The following TENM2 variants were observed in gnomAD, a reference collection of about 807,000 sequenced individuals.
TENM2 encodes teneurin-2.
A neutral mutation model predicts 245.2 loss-of-function variants in TENM2; 52 were observed. The observed-to-expected ratio is 0.21, with a 90% CI of 0.17 to 0.27. TENM2 has a LOEUF of 0.27. TENM2 is among the 10% of genes least tolerant of loss of function. The pLI is 1.00. For missense variants in TENM2, 3,046 were observed against 3,666.8 expected, an observed-to-expected ratio of 0.83 and a Z score of 4.37; for synonymous variants, 1,363 against 1,438.9, an observed-to-expected ratio of 0.95 and a Z score of 1.19.
At chr5:167,677,847 C>T (rs1039023800) in intron 2 of TENM2, among the ~76,000 whole-genome samples, 1 of 151,404 alleles carries the variant, frequency 6.6e-6, no homozygotes, top group African/African-American at 2.4e-5. Context: ...TTATTAATTT[C>T]TCTTCCCCAA....
chr5:166,990,919 T>C, the TENM2 span, among the ~76,000 whole-genome samples: 1 of 152,140 alleles, frequency 6.6e-6, no homozygotes, highest in African/African-American at 2.4e-5. Context: ...AGTCTGAAAA[T>C]TGGATTGGGC....
intron 2 of TENM2, among the ~76,000 whole-genome samples, chr5:167,559,302 A>G (rs1336061701): frequency 6.6e-6 from 1 of 152,186 alleles, no homozygotes; most frequent in African/African-American, 2.4e-5. Context: ...AATTAGCTGA[A>G]TATGCCCAGA....
rs918036116 is a variant in TENM2, at chr5:167,995,720, A to G, written c.1186+2538A>G. 1.2e-4 allele frequency among the ~76,000 whole-genome samples: 19 copies of G among 152,242 alleles called. 1 individual carries two copies. The highest frequency in any genetic ancestry group is 4.6e-4 in the African/African-American group (19 of 41,458). On this transcript the variant is annotated intron_variant, in intron 5 of 28. Transcript: ENST00000518659. The stretch of plus-strand genomic sequence containing the variant: ...GATGGTTATTTACGTGCAGAAACTC[A>G]GAAGTATGGTGAGGATTAATTAATG...
chr5:167,512,972 G>T (rs1275850011), intron 2 of TENM2, among the ~76,000 whole-genome samples: 1 of 152,182 alleles, frequency 6.6e-6, no homozygotes, highest in African/African-American at 2.4e-5. Context: ...ATAAAGGAGT[G>T]ATAGGGGATT....
intron 2 of TENM2, among the ~76,000 whole-genome samples, chr5:167,710,137 A>G (rs986771931): frequency 2.0e-5 from 3 of 152,140 alleles, no homozygotes; most frequent in African/African-American, 7.2e-5. Flanking sequence ...ACCAGTAACA[A>G]TCACTCTTTG....
chr5:167,633,410 T>C (rs1256676393), intron 2 of TENM2, among the ~76,000 whole-genome samples: 2 of 152,202 alleles, frequency 1.3e-5, no homozygotes, highest in Non-Finnish European at 2.9e-5. Flanking sequence ...AATTAAGACT[T>C]GAATTAGCCC....
the TENM2 span, among the ~76,000 whole-genome samples, chr5:167,032,022 TA>T: frequency 6.6e-6 from 1 of 152,186 alleles, no homozygotes; most frequent in Non-Finnish European, 1.5e-5. Context: ...ACTGCTGGAT[TA>T]AAACACCTAG....
the TENM2 span, among the ~76,000 whole-genome samples, chr5:167,141,913 CAAT>C: frequency 6.6e-6 from 1 of 152,034 alleles, no homozygotes; most frequent in South Asian, 2.1e-4. Flanking sequence ...TTAATTGTGT[CAAT>C]AATTATTTGT....
intron 2 of TENM2, among the ~76,000 whole-genome samples, chr5:167,462,053 AATTG>A (rs755347375): frequency 3.3e-5 from 5 of 152,162 alleles, no homozygotes; most frequent in South Asian, 2.1e-4. Context: ...TTTAAGAGCC[AATTG>A]ATTGATCAGT....
chr5:167,430,142 C>T (rs1371276677), intron 2 of TENM2, among the ~76,000 whole-genome samples: 1 of 151,954 alleles, frequency 6.6e-6, no homozygotes, highest in Admixed American at 6.6e-5. Flanking sequence ...GGCAGAGAAA[C>T]CAACGGAGAG....
At chr5:167,918,919 AT>A (rs202136642) in intron 3 of TENM2, among the ~76,000 whole-genome samples, 52 of 152,256 alleles carry the variant, frequency 3.4e-4, no homozygotes, top group East Asian at 3.3e-3. Flanking sequence ...AATTTCTGCA[AT>A]AGCGAGTTAA....
chr5:167,131,090 A>T, the TENM2 span, among the ~76,000 whole-genome samples: 2 of 152,024 alleles, frequency 1.3e-5, no homozygotes, highest in African/African-American at 2.4e-5. Flanking sequence ...TGAATGTTTT[A>T]TGTAAAAATG....
the TENM2 span, among the ~76,000 whole-genome samples, chr5:166,997,962 ACTCC>A: frequency 1.3e-5 from 2 of 151,918 alleles, no homozygotes; most frequent in African/African-American, 4.8e-5. Flanking sequence ...GAGTTTATGT[ACTCC>A]CTCTAGTTTC....
intron 1 of TENM2, among the ~76,000 whole-genome samples, chr5:167,315,941 C>A (rs1270528086): frequency 6.6e-6 from 1 of 152,144 alleles, no homozygotes; most frequent in African/African-American, 2.4e-5. Flanking sequence ...TCCAAAGCGT[C>A]TATTTGCATT....
intron 3 of TENM2, among the ~76,000 whole-genome samples, chr5:167,892,341 G>T (rs1774829679): frequency 6.6e-6 from 1 of 152,172 alleles, no homozygotes; most frequent in Non-Finnish European, 1.5e-5. Flanking sequence ...AGTAAGTTTT[G>T]CACAACCTGA....
At chr5:167,885,451 G>T (rs773577751) in intron 3 of TENM2, among the ~76,000 whole-genome samples, 2 of 152,106 alleles carry the variant, frequency 1.3e-5, no homozygotes, top group African/African-American at 4.8e-5. Flanking sequence ...CTAGGCTTAG[G>T]TGCATTAGGA....
At chr5:167,105,050 G>C in the TENM2 span, among the ~76,000 whole-genome samples, 3 of 152,132 alleles carry the variant, frequency 2.0e-5, no homozygotes, top group African/African-American at 7.2e-5. Flanking sequence ...TAGATTTGCT[G>C]TCTATCAAAA....
intron 2 of TENM2, among the ~76,000 whole-genome samples, chr5:167,825,342 T>A (rs1281931121): frequency 1.3e-5 from 2 of 152,244 alleles, no homozygotes; most frequent in East Asian, 3.9e-4. Flanking sequence ...AATTTCCTCA[T>A]CAGCCATTTA....
At chr5:167,006,918 C>G in the TENM2 span, among the ~76,000 whole-genome samples, 154 of 152,290 alleles carry the variant, frequency 1.0e-3, 1 homozygote, top group African/African-American at 3.4e-3. Flanking sequence ...TCACCCACCT[C>G]GGCCTCCGAA....
Sources: allele counts gnomAD v4.1 joint callset (sites outside exome capture counted in the v4.1 genomes callset), GRCh38; gene constraint gnomAD v4.1.1; transcripts MANE v1.5; gene names NCBI Gene and HGNC (gene_info 2026-07-23, HGNC 2026-07-21).